Variants in ATP8B4 observed in about 807,000 individuals in gnomAD.
ATP8B4 encodes ATPase phospholipid transporting 8B4 (putative).
A neutral mutation model predicts 145.6 loss-of-function variants in ATP8B4; 133 were observed. The ratio of observed to expected loss-of-function variants is 0.91; its 90% CI spans 0.79 to 1.05. The LOEUF is 1.05. Ranked by LOEUF, ATP8B4 falls within the 50% of genes least tolerant of loss-of-function variation. The pLI, the probability that ATP8B4 is intolerant of heterozygous loss-of-function variation, is 0.00. For synonymous variants in ATP8B4, 507 were observed against 492.9 expected (o/e 1.03, Z -0.38); for missense variants, 1,458 against 1,425.2 (o/e 1.02, Z -0.37).
chr15:50,072,054 T>G (rs1214157805), intron 3 of ATP8B4, among the ~76,000 whole-genome samples: 1 of 150,872 alleles, frequency 6.6e-6, no homozygotes, highest in Non-Finnish European at 1.5e-5. Flanking sequence ...ATTAATTAAT[T>G]AATAATTGAT....
intron 22 of ATP8B4, among the ~76,000 whole-genome samples, chr15:49,897,744 T>C (rs1372413360): frequency 1.3e-5 from 2 of 152,236 alleles, no homozygotes; most frequent in African/African-American, 4.8e-5. Context: ...AATTTGTAAG[T>C]GGCAAAGATG....
At chr15:49,950,939 G>C (rs1008080911) in intron 14 of ATP8B4, among the ~76,000 whole-genome samples, 1 of 152,078 alleles carries the variant, frequency 6.6e-6, no homozygotes, top group East Asian at 1.9e-4. Context: ...CTTGATTTCT[G>C]CCTTAATTTC....
chr15:50,081,672 G>C (rs897195440), intron 2 of ATP8B4, among the ~76,000 whole-genome samples: 3 of 152,206 alleles, frequency 2.0e-5, no homozygotes, highest in Admixed American at 2.0e-4. Context: ...TTTAAGATTA[G>C]GTAGTGAACG....
intron 1 of ATP8B4, among the ~76,000 whole-genome samples, chr15:50,181,843 G>A (rs1248569025): frequency 1.3e-5 from 2 of 152,188 alleles, no homozygotes; most frequent in Non-Finnish European, 2.9e-5. Context: ...TAAATAATAG[G>A]ACTGTCTGAC....
intron 1 of ATP8B4, among the ~76,000 whole-genome samples, chr15:50,173,481 G>C (rs962380418): frequency 6.6e-6 from 1 of 152,074 alleles, no homozygotes; most frequent in South Asian, 2.1e-4. Context: ...TTGTTAAACA[G>C]ACGCTTGAAG....
chr15:50,141,486 T>C (rs1402523330), intron 1 of ATP8B4, among the ~76,000 whole-genome samples: 1 of 152,108 alleles, frequency 6.6e-6, no homozygotes, highest in African/African-American at 2.4e-5. Flanking sequence ...AATCCAATTA[T>C]TCATTCATAA....
At chr15:50,169,938 C>T (rs1262351445) in intron 1 of ATP8B4, among the ~76,000 whole-genome samples, 3 of 152,042 alleles carry the variant, frequency 2.0e-5, no homozygotes, top group Admixed American at 6.6e-5. Flanking sequence ...AAATTCAGAG[C>T]TCAAAGACAT....
intron 1 of ATP8B4, among the ~76,000 whole-genome samples, chr15:50,172,869 G>T (rs1469480133): frequency 1.3e-5 from 2 of 150,492 alleles, no homozygotes; most frequent in East Asian, 4.0e-4. Flanking sequence ...TCTCTGACCG[G>T]CCGCCCCGTC....
chr15:50,131,356 A>C lies in ATP8B4; in HGVS notation c.-42-24348T>G, dbSNP rs2057344678. Among the ~76,000 whole-genome samples, 3 of 152,216 alleles carry C rather than the reference A, an allele frequency of 2.0e-5. No individual in the cohort carries two copies. The South Asian group carries it at 6.2e-4, about 32-fold the overall frequency. On this transcript the variant is annotated intron_variant, in intron 1 of 3. Coordinates refer to the ATP8B4 transcript ENST00000558829. ...ATTACAATAATTCTATCCTTTACAG[A>C]TAAAGAATCAGAGAAACAGAGAGGT...
At chr15:50,140,975 G>A (rs539193071) in intron 1 of ATP8B4, among the ~76,000 whole-genome samples, 1 of 152,244 alleles carries the variant, frequency 6.6e-6, no homozygotes, top group South Asian at 2.1e-4. Context: ...CCTTGAAAGA[G>A]AAAAATCCAC....
At chr15:49,928,208 C>T (rs1270164716) in intron 16 of ATP8B4, among the ~76,000 whole-genome samples, 4 of 152,076 alleles carry the variant, frequency 2.6e-5, no homozygotes, top group African/African-American at 7.2e-5. Flanking sequence ...GAATTAATAC[C>T]ACACTGGTGT....
At chr15:49,919,573 G>A (rs561285550) in intron 18 of ATP8B4, among the ~76,000 whole-genome samples, 59 of 152,028 alleles carry the variant, frequency 3.9e-4, no homozygotes, top group African/African-American at 1.3e-3. Context: ...GCCCGCCACC[G>A]CACCCGGCTA....
At chr15:50,172,224 G>A (rs183601650) in intron 1 of ATP8B4, among the ~76,000 whole-genome samples, 54 of 152,266 alleles carry the variant, frequency 3.5e-4, no homozygotes, top group South Asian at 1.2e-3. Context: ...CGCCATCTCC[G>A]CTCACTGCAA....
At chr15:49,932,139 A>G (rs901081979) in intron 15 of ATP8B4, among the ~76,000 whole-genome samples, 1 of 151,908 alleles carries the variant, frequency 6.6e-6, no homozygotes, top group Admixed American at 6.6e-5. Flanking sequence ...TTCCTGATTT[A>G]TAGTCATGTC....
chr15:50,037,161 G>T (rs187335724), intron 6 of ATP8B4, among the ~76,000 whole-genome samples: 2 of 152,228 alleles, frequency 1.3e-5, no homozygotes, highest in Admixed American at 1.3e-4. Context: ...GACATTAAAA[G>T]ATATGCTAGA....
intron 25 of ATP8B4, among the ~76,000 whole-genome samples, chr15:49,870,280 T>G (rs1251302613): frequency 6.6e-6 from 1 of 152,150 alleles, no homozygotes; most frequent in Non-Finnish European, 1.5e-5. Flanking sequence ...TCCCCTTTTG[T>G]TAAATATGTG....
chr15:50,025,042 T>C (rs1277029270), intron 6 of ATP8B4, among the ~76,000 whole-genome samples: 2 of 152,204 alleles, frequency 1.3e-5, no homozygotes, highest in Non-Finnish European at 2.9e-5. Flanking sequence ...ATATTCTGCT[T>C]TTGCCCCAAG....
intron 5 of ATP8B4, among the ~76,000 whole-genome samples, chr15:50,043,050 C>T (rs538709746): frequency 1.3e-5 from 2 of 152,178 alleles, no homozygotes; most frequent in East Asian, 3.9e-4. Context: ...ATGCTGTCTA[C>T]AAGAAAACCA....
intron 14 of ATP8B4, among the ~76,000 whole-genome samples, chr15:49,951,249 C>T (rs902175616): frequency 2.6e-5 from 4 of 152,076 alleles, no homozygotes; most frequent in African/African-American, 9.7e-5. Flanking sequence ...TGCTGAATAT[C>T]CTTGGTAATT....
Sources: allele counts gnomAD v4.1 joint callset (sites outside exome capture counted in the v4.1 genomes callset), GRCh38; gene constraint gnomAD v4.1.1; transcripts MANE v1.5; gene names NCBI Gene and HGNC (gene_info 2026-07-23, HGNC 2026-07-21).